The following MTHFD2L variants were observed in gnomAD, a reference collection of about 807,000 sequenced individuals.
MTHFD2L encodes methylenetetrahydrofolate dehydrogenase (NADP+ dependent) 2 like.
MTHFD2L carries 29 observed loss-of-function variants against 34.9 expected under a neutral mutation model. The observed-to-expected ratio is 0.83, with a 90% CI of 0.62 to 1.13. MTHFD2L has a LOEUF of 1.13. Among genes scored for constraint, MTHFD2L ranks in the 50% most tolerant of loss-of-function variants. MTHFD2L has a pLI of 0.00. For missense variants in MTHFD2L, 481 were observed against 446.5 expected (o/e 1.08, Z -0.70); for synonymous variants, 167 against 155.7 (o/e 1.07, Z -0.54).
chr4:74,232,558 T>A (rs1257705138), intron 6 of MTHFD2L, among the ~76,000 whole-genome samples: 1 of 152,042 alleles, frequency 6.6e-6, no homozygotes, highest in Non-Finnish European at 1.5e-5. Context: ...TGTCAATACC[T>A]GAGAGGGCAG....
At chr4:74,292,782 T>C in intron 7 of MTHFD2L, among the ~76,000 whole-genome samples, 1 of 152,136 alleles carries the variant, frequency 6.6e-6, no homozygotes, top group Non-Finnish European at 1.5e-5. Flanking sequence ...AGAAAGAAGG[T>C]TTCACTGATA....
At chr4:74,249,027 G>C (rs1239470614) in intron 6 of MTHFD2L, among the ~76,000 whole-genome samples, 2 of 144,122 alleles carry the variant, frequency 1.4e-5, no homozygotes, top group Non-Finnish European at 3.1e-5. Flanking sequence ...TTCAATTCCT[G>C]GGTATCCTTG....
chr4:74,192,747 A>G (rs1732773717), intron 3 of MTHFD2L, among the ~76,000 whole-genome samples: 1 of 152,038 alleles, frequency 6.6e-6, no homozygotes, highest in Admixed American at 6.5e-5. Context: ...GCTGTTTAAA[A>G]TGTTTAAAAT....
intron 6 of MTHFD2L, among the ~76,000 whole-genome samples, chr4:74,262,809 T>G (rs894251335): frequency 6.6e-5 from 10 of 151,954 alleles, no homozygotes; most frequent in African/African-American, 2.4e-4. Context: ...AGAAGGTAAT[T>G]TGACAATGTT....
intron 1 of MTHFD2L, among the ~76,000 whole-genome samples, chr4:74,169,104 T>C (rs1003127568): frequency 6.6e-6 from 1 of 152,202 alleles, no homozygotes; most frequent in Non-Finnish European, 1.5e-5. Context: ...CTGAAAATGC[T>C]CAGAGACCTA....
intron 3 of MTHFD2L, among the ~76,000 whole-genome samples, chr4:74,185,417 T>C (rs1245369468): frequency 6.6e-6 from 1 of 151,964 alleles, no homozygotes; most frequent in African/African-American, 2.4e-5. Flanking sequence ...TACTTTAAGA[T>C]GGTAGGAACA....
At chr4:74,186,520 G>T (rs1054890968) in intron 3 of MTHFD2L, among the ~76,000 whole-genome samples, 8 of 149,290 alleles carry the variant, frequency 5.4e-5, no homozygotes, top group African/African-American at 1.7e-4. Context: ...TAATATAGAG[G>T]AATCGATTTT....
At chr4:74,174,181 A>G (rs985350582) in intron 1 of MTHFD2L, among the ~76,000 whole-genome samples, 2 of 152,128 alleles carry the variant, frequency 1.3e-5, no homozygotes, top group African/African-American at 4.8e-5. Flanking sequence ...CTCTATCCTC[A>G]TGGTGTAATC....
At chr4:74,138,994 T>G (rs552155123) in intron 1 of MTHFD2L, among the ~76,000 whole-genome samples, 2 of 152,332 alleles carry the variant, frequency 1.3e-5, no homozygotes, top group East Asian at 3.9e-4. Flanking sequence ...GCCCAGTGTT[T>G]AAAGGTAGGT....
chr4:74,258,265 A>T (rs1427814172), intron 6 of MTHFD2L, among the ~76,000 whole-genome samples: 1 of 152,168 alleles, frequency 6.6e-6, no homozygotes, highest in Non-Finnish European at 1.5e-5. Flanking sequence ...TATCTTGAAG[A>T]GATAACTGCA....
At chr4:74,160,281 G>C in intron 1 of MTHFD2L, 1 of 349,616 alleles carries the variant, frequency 2.9e-6, no homozygotes, top group South Asian at 2.3e-5. Flanking sequence ...TCTTATCCCA[G>C]TGATATTGAC....
chr4:74,294,359 G>T (rs1410142594), intron 7 of MTHFD2L, among the ~76,000 whole-genome samples: 2 of 152,020 alleles, frequency 1.3e-5, no homozygotes, highest in Non-Finnish European at 2.9e-5. Flanking sequence ...TTCCAACAAA[G>T]TATCTTAAAT....
rs1740589311 is a variant in MTHFD2L, at chr4:74,234,753, T to C, written c.805+9359T>C. Among the ~76,000 whole-genome samples the C allele has an allele frequency of 2.6e-5, 4 of 151,968 alleles. No homozygotes were observed. In the South Asian group the frequency reaches 8.3e-4, roughly 31 times the overall value. On this transcript the variant is annotated intron_variant, in intron 6 of 7. Transcript: ENST00000325278. The stretch of plus-strand genomic sequence containing the variant: ...TTGCTAGTGCAATATTAGATACATG[T>C]ATGTATGTATATGTACATGTCTATC...
chr4:74,160,225 A>T, intron 1 of MTHFD2L: 1 of 581,794 alleles, frequency 1.7e-6, no homozygotes, highest in Non-Finnish European at 2.7e-6. Context: ...TGAAATTTAC[A>T]CCTTAGTGTT....
chr4:74,234,503 C>T (rs1740555280), intron 6 of MTHFD2L, among the ~76,000 whole-genome samples: 1 of 151,824 alleles, frequency 6.6e-6, no homozygotes, highest in Non-Finnish European at 1.5e-5. Context: ...ATGCTATTTC[C>T]AATATATTGC....
chr4:74,239,422 G>A (rs1362714366), intron 6 of MTHFD2L, among the ~76,000 whole-genome samples: 2 of 151,366 alleles, frequency 1.3e-5, no homozygotes, highest in Non-Finnish European at 2.9e-5. Flanking sequence ...AACCAAAATG[G>A]CCCATGTATA....
intron 6 of MTHFD2L, among the ~76,000 whole-genome samples, chr4:74,226,197 A>C (rs1300152080): frequency 6.6e-6 from 1 of 152,196 alleles, no homozygotes; most frequent in Non-Finnish European, 1.5e-5. Flanking sequence ...TGACAAAAAA[A>C]AAATCCCCTT....
At chr4:74,217,482 G>A (rs982789541) in intron 5 of MTHFD2L, among the ~76,000 whole-genome samples, 1 of 151,876 alleles carries the variant, frequency 6.6e-6, no homozygotes, top group Non-Finnish European at 1.5e-5. Flanking sequence ...TGATTACTGA[G>A]TTTTCCTTCC....
chr4:74,185,744 C>T (rs1480448028), intron 3 of MTHFD2L, among the ~76,000 whole-genome samples: 5 of 152,160 alleles, frequency 3.3e-5, no homozygotes, highest in African/African-American at 1.2e-4. Context: ...GTCTTAATAG[C>T]TCTGTTAAGC....
Sources: gnomAD v4.1 joint callset for allele counts (sites outside exome capture counted in the v4.1 genomes callset) on GRCh38, gnomAD v4.1.1 for gene constraint, MANE v1.5 for transcripts, NCBI Gene and HGNC (gene_info 2026-07-23, HGNC 2026-07-21) for gene names.